DIAPH3: variants seen among roughly 807,000 people sequenced by gnomAD.
The protein encoded by DIAPH3 is protein diaphanous homolog 3.
A neutral mutation model predicts 144.3 loss-of-function variants in DIAPH3; 117 were observed. That is an observed-to-expected ratio of 0.81 (90% confidence interval 0.70 to 0.95). The LOEUF is 0.95. DIAPH3 is among the 40% of genes least tolerant of loss of function. DIAPH3 has a pLI of 0.00. For missense variants in DIAPH3, 1,421 were observed against 1,412.7 expected, an observed-to-expected ratio of 1.01 and a Z score of -0.09; for synonymous variants, 519 against 488.9, an observed-to-expected ratio of 1.06 and a Z score of -0.81.
intron 22 of DIAPH3, among the ~76,000 whole-genome samples, chr13:59,840,745 G>C (rs550070016): frequency 6.6e-6 from 1 of 151,878 alleles, no homozygotes; most frequent in South Asian, 2.1e-4. Flanking sequence ...GAAGAGTGAT[G>C]GTACTTTAAC....
chr13:59,766,391 A>G (rs2037860288), intron 27 of DIAPH3, among the ~76,000 whole-genome samples: 1 of 152,070 alleles, frequency 6.6e-6, no homozygotes, highest in Admixed American at 6.5e-5. Context: ...TGTCAGCCCC[A>G]ATGACCTTGC....
chr13:60,008,279 C>A (rs1194459606), intron 9 of DIAPH3, among the ~76,000 whole-genome samples: 1 of 152,014 alleles, frequency 6.6e-6, no homozygotes, highest in Non-Finnish European at 1.5e-5. Flanking sequence ...GCCTGTAGTC[C>A]CAGCTACTCG....
chr13:59,918,208 GAA>G (rs571397429), intron 18 of DIAPH3, among the ~76,000 whole-genome samples: 15 of 95,026 alleles, frequency 1.6e-4, no homozygotes, highest in African/African-American at 2.2e-4. Flanking sequence ...GGCAGCACAG[GAA>G]AAAAAAAAAA....
chr13:60,081,044 T>A (rs1242611401), intron 4 of DIAPH3, among the ~76,000 whole-genome samples: 1 of 151,948 alleles, frequency 6.6e-6, no homozygotes, highest in Non-Finnish European at 1.5e-5. Flanking sequence ...TTAAATTCTT[T>A]AAGATAGTCT....
chr13:59,959,259 A>G (rs1410193624), intron 17 of DIAPH3, among the ~76,000 whole-genome samples: 2 of 152,194 alleles, frequency 1.3e-5, no homozygotes, highest in Non-Finnish European at 2.9e-5. Flanking sequence ...GCCTTCCTAT[A>G]AAAGGAATGC....
chr13:59,852,517 C>G (rs1464021361), intron 22 of DIAPH3, among the ~76,000 whole-genome samples: 2 of 152,078 alleles, frequency 1.3e-5, no homozygotes, highest in Non-Finnish European at 2.9e-5. Flanking sequence ...AATCTTATGT[C>G]AAAGTTCAAA....
At chr13:59,826,444 G>A (rs1380009500) in intron 24 of DIAPH3, among the ~76,000 whole-genome samples, 1 of 150,820 alleles carries the variant, frequency 6.6e-6, no homozygotes, top group Non-Finnish European at 1.5e-5. Context: ...GCTTCAAAGA[G>A]AATAAAATGC....
rs149036021 is a variant in DIAPH3 at position 60,078,519 on chromosome 13, A to T, written c.495+15109T>A. On this transcript the variant is annotated intron_variant, in intron 4 of 27. Transcript: ENST00000400324. ...ATATGGTTAAGTTCAGTTATACAGG[A>T]AAGAATAGAATGGGTCATTCAAAGT... Among the ~76,000 whole-genome samples the T allele has an allele frequency of 4.6e-5, 7 of 152,196 alleles. No individual in the cohort carries two copies. In the East Asian group the frequency reaches 1.4e-3, roughly 29 times the overall value.
intron 17 of DIAPH3, among the ~76,000 whole-genome samples, chr13:59,928,101 T>C (rs902842388): frequency 2.0e-5 from 3 of 152,152 alleles, no homozygotes; most frequent in African/African-American, 7.2e-5. Context: ...TTTTGGTTTG[T>C]CTGGGTTATT....
At chr13:60,060,240 T>C (rs539178181) in intron 4 of DIAPH3, among the ~76,000 whole-genome samples, 1 of 152,154 alleles carries the variant, frequency 6.6e-6, no homozygotes, top group African/African-American at 2.4e-5. Flanking sequence ...ACCAGCTAAA[T>C]ACAGGCAAAA....
chr13:59,713,601 A>G (rs1672309665), intron 27 of DIAPH3, among the ~76,000 whole-genome samples: 1 of 151,716 alleles, frequency 6.6e-6, no homozygotes, highest in African/African-American at 2.4e-5. Context: ...AGTGTGGGGG[A>G]CTAAAGTGAG....
intron 4 of DIAPH3, among the ~76,000 whole-genome samples, chr13:60,070,140 T>C (rs1210718356): frequency 2.0e-5 from 3 of 152,130 alleles, no homozygotes; most frequent in Non-Finnish European, 4.4e-5. Flanking sequence ...TTGTTTGTGT[T>C]GTCTCTAATT....
intron 27 of DIAPH3, among the ~76,000 whole-genome samples, chr13:59,705,090 C>A (rs1199466549): frequency 6.6e-6 from 1 of 151,998 alleles, no homozygotes; most frequent in South Asian, 2.1e-4. Flanking sequence ...ATTTTTTTTA[C>A]CATAATTTAC....
chr13:59,768,520 T>A (rs954671245), intron 27 of DIAPH3, among the ~76,000 whole-genome samples: 3 of 152,112 alleles, frequency 2.0e-5, no homozygotes, highest in Non-Finnish European at 4.4e-5. Context: ...AAAGACAAAC[T>A]CTTGCTGTTT....
chr13:60,040,872 G>A (rs559862544), intron 5 of DIAPH3, among the ~76,000 whole-genome samples: 2 of 152,188 alleles, frequency 1.3e-5, no homozygotes, highest in African/African-American at 2.4e-5. Flanking sequence ...GGAATGCAGT[G>A]GCACGATGCC....
chr13:60,132,117 C>T lies in DIAPH3; in HGVS notation c.213+840G>A, dbSNP rs138723205. 2.2e-4 allele frequency among the ~76,000 whole-genome samples: 34 copies of T among 152,284 alleles called. No homozygotes were observed. In the East Asian group the frequency reaches 6.2e-3, roughly 28 times the overall value. ...TATTCAAAGGAATAAAACATACCAA[C>T]ATTCTAATACAATTTTTAAGTCATT... On this transcript the variant is annotated intron_variant, in intron 2 of 27. Transcript: ENST00000400324.
At chr13:60,152,187 A>G (rs965791425) in intron 1 of DIAPH3, among the ~76,000 whole-genome samples, 3 of 152,258 alleles carry the variant, frequency 2.0e-5, no homozygotes, top group Non-Finnish European at 4.4e-5. Flanking sequence ...GGATCTCACA[A>G]TTAATCTACT....
At chr13:60,081,228 T>C (rs557145537) in intron 4 of DIAPH3, among the ~76,000 whole-genome samples, 5 of 151,986 alleles carry the variant, frequency 3.3e-5, no homozygotes, top group Admixed American at 1.3e-4. Context: ...CTGCATAACT[T>C]TGAAACTACA....
At chr13:60,039,563 C>G (rs1169542021) in intron 5 of DIAPH3, among the ~76,000 whole-genome samples, 1 of 152,124 alleles carries the variant, frequency 6.6e-6, no homozygotes, top group Admixed American at 6.6e-5. Flanking sequence ...CTCAGCCTCC[C>G]AAAGTGCCAG....
Sources: gnomAD v4.1 joint callset for allele counts (sites outside exome capture counted in the v4.1 genomes callset) on GRCh38, gnomAD v4.1.1 for gene constraint, MANE v1.5 for transcripts, NCBI Gene and HGNC (gene_info 2026-07-23, HGNC 2026-07-21) for gene names.